COP1: variants seen among roughly 807,000 people sequenced by gnomAD.
COP1 encodes the protein E3 ubiquitin-protein ligase COP1.
A neutral mutation model predicts 101.3 loss-of-function variants in COP1; 24 were observed. The observed-to-expected ratio is 0.24, with a 90% CI of 0.17 to 0.33. The LOEUF (loss-of-function observed/expected upper bound fraction) is 0.33. Ranked by LOEUF, COP1 falls within the 10% of genes least tolerant of loss-of-function variation. The probability of loss-of-function intolerance (pLI) is 1.00; values close to 1 mark genes in which losing one functional copy is unlikely to be tolerated. For synonymous variants in COP1, 347 were observed against 341.9 expected (o/e 1.01, Z -0.17); for missense variants, 663 against 906.2 (o/e 0.73, Z 3.45).
chr1:176,160,400 A>G (rs1048740443), intron 5 of COP1: 4 of 232,544 alleles, frequency 1.7e-5, no homozygotes, highest in Non-Finnish European at 3.5e-5. Context: ...CAATGGCAAC[A>G]AAAGCCAAAA....
chr1:175,994,414 T>C (rs1365106232), intron 15 of COP1, among the ~76,000 whole-genome samples: 1 of 152,116 alleles, frequency 6.6e-6, no homozygotes, highest in African/African-American at 2.4e-5. Flanking sequence ...TAAAGGTAAA[T>C]GGACTAAATG....
rs145152506 is a variant in COP1, at chr1:176,120,988, G to T, written c.969-4307C>A. Among the ~76,000 whole-genome samples, 2 of 152,094 alleles carry T rather than the reference G, an allele frequency of 1.3e-5. 1 individual carries two copies. The highest frequency in any genetic ancestry group is 3.9e-4 in the East Asian group (2 of 5,180). On this transcript the variant is annotated intron_variant, in intron 8 of 19. Coordinates refer to ENST00000367669, the MANE Select transcript of COP1 (RefSeq NM_022457.7). The stretch of plus-strand genomic sequence containing the variant: ...ACAATAAATATGGAATTATGAATAA[G>T]AGAATCAAAGAGAGTCCAAAATGCC...
At chr1:175,988,526 G>T in intron 16 of COP1, 114 bp from the exon 17 acceptor site, 1 of 1,006,178 alleles carries the variant, frequency 9.9e-7, no homozygotes, top group South Asian at 2.0e-5. Flanking sequence ...TCTGGAGCCA[G>T]ACTGAGTTAG....
At chr1:176,057,014 T>G (rs1213095167) in intron 11 of COP1, among the ~76,000 whole-genome samples, 1 of 152,164 alleles carries the variant, frequency 6.6e-6, no homozygotes, top group Admixed American at 6.5e-5. Flanking sequence ...CCAAAAATAT[T>G]TATACTTCTC....
At chr1:176,119,336 T>G (rs1384317488) in intron 8 of COP1, among the ~76,000 whole-genome samples, 1 of 152,214 alleles carries the variant, frequency 6.6e-6, no homozygotes, top group East Asian at 1.9e-4. Context: ...CAGCTATGCA[T>G]TTTTATGGAT....
At chr1:176,143,714 G>C (rs58178699) in intron 6 of COP1, among the ~76,000 whole-genome samples, 8,987 of 152,072 alleles carry the variant, frequency 0.059, 604 homozygotes, top group African/African-American at 0.16. Flanking sequence ...CTAGAATGCA[G>C]AACCTTCAGT....
chr1:175,973,585 T>TA (rs1653796966), intron 18 of COP1, among the ~76,000 whole-genome samples: 2 of 152,174 alleles, frequency 1.3e-5, no homozygotes, highest in South Asian at 2.1e-4. Context: ...TTGTAAGACT[T>TA]AAGAGTTTTT....
intron 15 of COP1, among the ~76,000 whole-genome samples, chr1:176,019,819 C>T (rs1166888468): frequency 3.9e-5 from 6 of 152,112 alleles, no homozygotes; most frequent in Non-Finnish European, 7.4e-5. Context: ...CAAGACCACA[C>T]CACTGCATTG....
intron 5 of COP1, among the ~76,000 whole-genome samples, chr1:176,157,312 C>T (rs1693624297): frequency 6.6e-6 from 1 of 152,078 alleles, no homozygotes; most frequent in African/African-American, 2.4e-5. Context: ...ATTTACAAAA[C>T]AGATTATGCT....
intron 2 of COP1, among the ~76,000 whole-genome samples, chr1:176,182,484 G>C (rs958416081): frequency 6.6e-6 from 1 of 152,242 alleles, no homozygotes. Flanking sequence ...ATGGGCAGGG[G>C]TGGTACTGGG....
intron 18 of COP1, 156 bp from the exon 19 acceptor site, chr1:175,947,395 G>C (rs541589056): frequency 1.8e-6 from 1 of 566,784 alleles, no homozygotes; most frequent in East Asian, 3.1e-5. Flanking sequence ...TTTTGAGACG[G>C]AGTCTTGCTC....
chr1:175,967,697 G>A (rs1477452365), intron 18 of COP1, among the ~76,000 whole-genome samples: 1 of 152,072 alleles, frequency 6.6e-6, no homozygotes, highest in African/African-American at 2.4e-5. Context: ...TCTGAACTTT[G>A]GTTACAGCCT....
intron 1 of COP1, among the ~76,000 whole-genome samples, chr1:176,205,412 C>T (rs991867673): frequency 1.3e-5 from 2 of 152,192 alleles, no homozygotes; most frequent in Admixed American, 6.5e-5. Context: ...AACCGTAAGT[C>T]TAATCAATAA....
rs557249362 is a variant in COP1 at position 176,034,585 on chromosome 1, A to G, written c.1613-6897T>C. On this transcript the variant is annotated intron_variant, in intron 14 of 19. Transcript: ENST00000367669. Reference sequence around the variant, plus strand: ...AACAACCCAACCTTCTTGACAAAGTATCAGTAAAAGGGGGCCCTGGGAGAT... The same window carrying G: ...AACAACCCAACCTTCTTGACAAAGTGTCAGTAAAAGGGGGCCCTGGGAGAT... Among the ~76,000 whole-genome samples, 4 of 152,274 alleles carry G rather than the reference A, an allele frequency of 2.6e-5. No individual in the cohort carries two copies. In the South Asian group the frequency reaches 8.3e-4, roughly 32 times the overall value.
At chr1:176,137,471 C>T (rs898020695) in intron 6 of COP1, among the ~76,000 whole-genome samples, 3 of 152,092 alleles carry the variant, frequency 2.0e-5, no homozygotes, top group Non-Finnish European at 4.4e-5. Flanking sequence ...AAATTCCTAA[C>T]GCCAGGATGC....
intron 11 of COP1, among the ~76,000 whole-genome samples, chr1:176,063,747 T>C (rs1290457771): frequency 6.6e-6 from 1 of 152,222 alleles, no homozygotes; most frequent in African/African-American, 2.4e-5. Context: ...TGGGGGGCTC[T>C]GTTTGATAAA....
intron 15 of COP1, among the ~76,000 whole-genome samples, chr1:176,008,017 C>T (rs541495776): frequency 3.3e-5 from 5 of 152,284 alleles, no homozygotes; most frequent in East Asian, 1.9e-4. Context: ...GTAGGACCCT[C>T]GGAGCCAGGT....
At chr1:176,019,728 G>GC (rs1263076466) in intron 15 of COP1, among the ~76,000 whole-genome samples, 1 of 151,652 alleles carries the variant, frequency 6.6e-6, no homozygotes, top group Non-Finnish European at 1.5e-5. Context: ...AGGCATCGTA[G>GC]CATGCTCCTG....
At chr1:176,165,361 CGT>C (rs34291468) in intron 3 of COP1, among the ~76,000 whole-genome samples, 4,954 of 132,030 alleles carry the variant, frequency 0.038, 93 homozygotes, top group African/African-American at 0.053. Flanking sequence ...AGATGTGTGT[CGT>C]GTGTGTGTGT....
Sources: gnomAD v4.1 joint callset for allele counts (sites outside exome capture counted in the v4.1 genomes callset) on GRCh38, gnomAD v4.1.1 for gene constraint, MANE v1.5 for transcripts, NCBI Gene and HGNC (gene_info 2026-07-23, HGNC 2026-07-21) for gene names.